The following ABCF2 variants were observed in gnomAD, a reference collection of about 807,000 sequenced individuals.
The protein encoded by ABCF2 is ATP-binding cassette sub-family F member 2.
A neutral mutation model predicts 76.9 loss-of-function variants in ABCF2; 37 were observed. That is an observed-to-expected ratio of 0.48 (90% CI 0.37 to 0.63). The LOEUF (loss-of-function observed/expected upper bound fraction) is 0.63. Ranked by LOEUF, ABCF2 falls within the 30% of genes least tolerant of loss-of-function variation. The pLI is 0.00. For synonymous variants in ABCF2, 299 were observed against 283.7 expected, an observed-to-expected ratio of 1.05 and a Z score of -0.54; for missense variants, 524 against 782.1, an observed-to-expected ratio of 0.67 and a Z score of 3.94.
chr7:151,225,101 C>G, intron 2 of ABCF2, 113 bp from the exon 3 acceptor site: 2 of 939,334 alleles, frequency 2.1e-6, no homozygotes, highest in Non-Finnish European at 3.4e-6. Context: ...AGATGTTTCC[C>G]AAACTTTACA....
In ABCF2 at chr7:151,211,512, T is replaced by G; in HGVS notation, c.*2542A>C. On this transcript the variant is annotated 3_prime_UTR_variant, in exon 15 of 15. Coordinates refer to ENST00000287844, the MANE Select transcript of ABCF2 (RefSeq NM_007189.3). ...TTTTAGAAATATGTATTTTGTGGAC[T>G]TTTAAAGCATTATTTAAATTACCAA... 1 of 983,520 alleles carries G rather than the reference T, an allele frequency of 1.0e-6. No individual in the cohort carries two copies. The highest frequency in any genetic ancestry group is 1.2e-6 in the Non-Finnish European group (1 of 828,138). The allele number at this position is 983,520 out of a possible 1,614,324, so 60.9% of individuals were successfully genotyped here.
intron 6 of ABCF2, among the ~76,000 whole-genome samples, 161 bp downstream of exon 6, chr7:151,222,360 A>G (rs1802286021): frequency 6.6e-6 from 1 of 152,136 alleles, no homozygotes; most frequent in Non-Finnish European, 1.5e-5. Context: ...GCCAGCCTTC[A>G]ACAGCCCTAA....
Position 151,213,192 on chromosome 7 carries a change from A to G in ABCF2, c.*862T>C. On this transcript the variant is annotated 3_prime_UTR_variant, in exon 15 of 15. Coordinates refer to ENST00000287844, the MANE Select transcript of ABCF2 (RefSeq NM_007189.3). Reference sequence around the variant, plus strand: ...GACCAGCAACAACAGCATCACCTGGAAACTTGCTAGAAATGTTAACGTTCT... The same window carrying G: ...GACCAGCAACAACAGCATCACCTGGGAACTTGCTAGAAATGTTAACGTTCT... The G allele has an allele frequency of 3.0e-6, 3 of 984,156 alleles. No homozygotes were observed. Among genetic ancestry groups the G allele is most frequent in the African/African-American group, 3.5e-5 (2 of 57,362 alleles). The allele number at this position is 984,156 out of a possible 1,614,324, so 61.0% of individuals were successfully genotyped here. A position where few individuals can be genotyped will look rare whatever the true frequency, so the allele number is the denominator to read the frequency against.
chr7:151,216,256 A>G, intron 11 of ABCF2, among the ~76,000 whole-genome samples: 1 of 152,342 alleles, frequency 6.6e-6, no homozygotes, highest in African/African-American at 2.4e-5. Context: ...AGTAGTTATA[A>G]AATGTCTACT....
chr7:151,218,523 G>A (rs1379389846), intron 10 of ABCF2, 38 bp downstream of exon 10: 1 of 1,568,340 alleles, frequency 6.4e-7, no homozygotes, highest in Admixed American at 1.7e-5. Context: ...CTCACCCTAA[G>A]ATACACCCCA....
At chr7:151,218,485 G>T in intron 10 of ABCF2, 76 bp downstream of exon 10, 2 of 1,332,250 alleles carry the variant, frequency 1.5e-6, no homozygotes, top group Non-Finnish European at 2.1e-6. Context: ...GGTCAGCACA[G>T]AACAGGAGCA....
intron 11 of ABCF2, among the ~76,000 whole-genome samples, chr7:151,216,696 G>T (rs547729484): frequency 1.3e-5 from 2 of 152,012 alleles, no homozygotes; most frequent in East Asian, 3.9e-4. Context: ...TGCATTTTTA[G>T]TAGAGAGGGG....
At position 151,211,750 on chromosome 7, in the gene ABCF2, C is replaced by T; in HGVS notation, c.*2304G>A. The T allele has an allele frequency of 2.0e-6, 2 of 985,404 alleles. No homozygotes were observed. The highest frequency in any genetic ancestry group is 9.4e-5 in the South Asian group (2 of 21,276). The allele number at this position is 985,404 out of a possible 1,614,324, so 61.0% of individuals were successfully genotyped here. A position where few individuals can be genotyped will look rare whatever the true frequency, so the allele number is the denominator to read the frequency against. ...CTCCAGATGCCATTCTCCCCTGAAC[C>T]AAGGCTCTGGACTCTCAGGACAGAC... On this transcript the variant is annotated 3_prime_UTR_variant, in exon 15 of 15. Coordinates refer to ENST00000287844, the MANE Select transcript of ABCF2 (RefSeq NM_007189.3).
Position 151,226,322 on chromosome 7 carries a change from T to C in ABCF2, c.137A>G (p.Asn46Ser), listed in dbSNP as rs768766285. 5 of 1,613,898 alleles carry C rather than the reference T, an allele frequency of 3.1e-6. No individual in the cohort carries two copies. The South Asian group carries it at 5.5e-5, about 18-fold the overall frequency. Residue 46 changes from asparagine (N) to serine (S), a missense_variant, in exon 2 of 15, where the codon AAT becomes AGT. Physicochemically the swap from Asn to Ser is conservative, Grantham distance 46. Transcript: ENST00000287844. ...CAATTCACCTGTGGTCTCTCTGCCA[T>C]TGGCCTCATTCTTCTCTGCCACCTG... is the stretch of plus-strand genomic sequence containing the variant. ...EPQVAEKNEA[N>S]GRETTEVDLL...
intron 3 of ABCF2, 126 bp downstream of exon 3, chr7:151,224,650 C>T: frequency 1.2e-6 from 1 of 850,976 alleles, no homozygotes; most frequent in Non-Finnish European, 1.9e-6. Flanking sequence ...TTCCCCTGGA[C>T]ATAATCTGGT....
chr7:151,224,136 C>A lies in ABCF2; in HGVS notation c.368-22G>T, dbSNP rs374838615. On this transcript the variant is annotated intron_variant, in intron 3 of 14. Transcript: ENST00000287844. Reference sequence around the variant, plus strand: ...TTTCCTGAGAGGGGAGAGCAGCAGACGCTTGGTACAGTGAACTCCCCTATC... The same window carrying A: ...TTTCCTGAGAGGGGAGAGCAGCAGAAGCTTGGTACAGTGAACTCCCCTATC... 4 of 1,613,606 alleles carry A rather than the reference C, an allele frequency of 2.5e-6. No individual in the cohort carries two copies. In the South Asian group the frequency reaches 3.3e-5, roughly 13 times the overall value.
rs201866568 is a variant in ABCF2 at position 151,212,502 on chromosome 7, A to AT, written c.*1551dup. ...ATAGGTCTGATGCTCAGCAATCTGA[A>AT]TTTTTTTATTTTTTTGAGACAGTGT... On this transcript the variant is annotated 3_prime_UTR_variant, in exon 15 of 15. Coordinates refer to ENST00000287844, the MANE Select transcript of ABCF2 (RefSeq NM_007189.3). The AT allele has an allele frequency of 2.0e-3, 2,001 of 985,276 alleles. 31 individuals are homozygous for AT. In the African/African-American group the frequency reaches 0.032, roughly 16 times the overall value. The allele number at this position is 985,276 out of a possible 1,614,324, so 61.0% of individuals were successfully genotyped here. A position where few individuals can be genotyped will look rare whatever the true frequency, so the allele number is the denominator to read the frequency against.
chr7:151,211,943 C>T lies in ABCF2; in HGVS notation c.*2111G>A. On this transcript the variant is annotated 3_prime_UTR_variant, in exon 15 of 15. Coordinates refer to ENST00000287844, the MANE Select transcript of ABCF2 (RefSeq NM_007189.3). ...GACTTTGTGGCCATCTGAGAAGATC[C>T]TACTCATTTTTCAAGTGAGAGCACA... 2 of 985,400 alleles carry T rather than the reference C, an allele frequency of 2.0e-6. No individual in the cohort carries two copies. The highest frequency in any genetic ancestry group is 2.4e-6 in the Non-Finnish European group (2 of 829,888). 61.0% of individuals were successfully genotyped at this position (985,400 alleles called of 1,614,324 possible). A position where few individuals can be genotyped will look rare whatever the true frequency, so the allele number is the denominator to read the frequency against.
Position 151,224,769 on chromosome 7 carries a change from G to T in ABCF2, c.367+7C>A. 6.2e-7 allele frequency: 1 copy of T among 1,613,328 alleles called. No homozygotes were observed. Among genetic ancestry groups the T allele is most frequent in the African/African-American group, 1.3e-5 (1 of 74,948 alleles). The stretch of plus-strand genomic sequence containing the variant: ...GATACCTCCCACCTCCCCTTCCAAG[G>T]CCTCACCAATTCCATTTAAACCAAT... On this transcript the variant is annotated splice_region_variant and intron_variant, in intron 3 of 14. Coordinates refer to ENST00000287844, the MANE Select transcript of ABCF2 (RefSeq NM_007189.3).
rs767918755 is a variant in ABCF2 at position 151,224,845 on chromosome 7, G to A, written c.298C>T (p.Leu100=). The stretch of plus-strand genomic sequence containing the variant: ...AATTCCAGTTTGGTGTCACTGAGCA[G>A]CTCTTGACCATGAAAGGTAAGTGAG... The part of the protein sequence containing the change: ...NLSLTFHGQE[L]LSDTKLELNS... Residue 100 remains leucine (L), a synonymous_variant, in exon 3 of 15, where the codon CTG becomes TTG. Transcript: ENST00000287844. The A allele has an allele frequency of 6.2e-7, 1 of 1,614,226 alleles. No homozygotes were observed. The highest frequency in any genetic ancestry group is 1.7e-5 in the Admixed American group (1 of 60,032).
In ABCF2 at chr7:151,215,214, A is replaced by G; in HGVS notation, c.1531-132T>C. ...TAAAAAGTGAGGCTCAGAGAGACCC[A>G]CTAGTCTCTTGAGGCCTGAAAGAGA... is the stretch of plus-strand genomic sequence containing the variant. On this transcript the variant is annotated intron_variant, in intron 13 of 14. Transcript: ENST00000287844. The surrounding 1 kb of genome is among the most constrained non-coding windows in gnomAD (Gnocchi z 4.6). 1.1e-6 allele frequency: 1 copy of G among 910,948 alleles called. No individual in the cohort carries two copies. Among genetic ancestry groups the G allele is most frequent in the South Asian group, 1.6e-5 (1 of 61,616 alleles). 56.4% of individuals were successfully genotyped at this position (910,948 alleles called of 1,614,324 possible). A position where few individuals can be genotyped will look rare whatever the true frequency, so the allele number is the denominator to read the frequency against.
rs75657392 is a variant in ABCF2, at chr7:151,214,291, C to G, written c.1735-100G>C. ...GCGTCTAGGAAGAAAACTCCGCCCC[C>G]CAAACCCATATCCAACTCACTGTCT... On this transcript the variant is annotated intron_variant, in intron 14 of 14. Transcript: ENST00000287844. The surrounding 1 kb of genome is among the most constrained non-coding windows in gnomAD (Gnocchi z 4.9). The G allele has an allele frequency of 1.0e-3, 1,577 of 1,544,890 alleles. 27 individuals carry two copies. The African/African-American group carries it at 0.019, about 19-fold the overall frequency.
intron 11 of ABCF2, 42 bp downstream of exon 11, chr7:151,218,039 G>A (rs1476193781): frequency 1.4e-6 from 2 of 1,427,882 alleles, no homozygotes; most frequent in South Asian, 2.3e-5. Context: ...ACCATCGCAA[G>A]GCCTAATCTT....
Position 151,215,212 on chromosome 7 carries a change from C to CT in ABCF2, c.1531-131_1531-130insA. On this transcript the variant is annotated intron_variant, in intron 13 of 14. Transcript: ENST00000287844. This position sits in a 1 kb window ranked among gnomAD's most constrained non-coding sequence, Gnocchi z 4.6. ...TATAAAAAGTGAGGCTCAGAGAGAC[C>CT]CACTAGTCTCTTGAGGCCTGAAAGA... 3.3e-6 allele frequency: 3 copies of CT among 911,232 alleles called. No individual in the cohort carries two copies. The highest frequency in any genetic ancestry group is 5.1e-6 in the Non-Finnish European group (3 of 593,762). The allele number at this position is 911,232 out of a possible 1,614,324, so 56.4% of individuals were successfully genotyped here.
Sources: allele counts gnomAD v4.1 joint callset (sites outside exome capture counted in the v4.1 genomes callset), GRCh38; gene constraint gnomAD v4.1.1; non-coding constraint Gnocchi (gnomAD v3.1); transcripts MANE v1.5; gene names NCBI Gene and HGNC (gene_info 2026-07-23, HGNC 2026-07-21).